The following NAV2 variants were observed in gnomAD, a reference collection of about 807,000 sequenced individuals.
NAV2 encodes helicase, APC down-regulated 1.
NAV2 carries 54 observed loss-of-function variants against 223.2 expected under a neutral mutation model. That is an observed-to-expected ratio of 0.24 (90% CI 0.19 to 0.30). NAV2 has a LOEUF of 0.30. NAV2 is among the 10% of genes least tolerant of loss of function. The probability of loss-of-function intolerance (pLI) is 1.00; values close to 1 mark genes in which losing one functional copy is unlikely to be tolerated. For missense variants in NAV2, 2,806 were observed against 3,147.5 expected (o/e 0.89, Z 2.60); for synonymous variants, 1,279 against 1,239.3 (o/e 1.03, Z -0.67).
At chr11:19,365,370 C>G (rs1848241176) in intron 1 of NAV2, among the ~76,000 whole-genome samples, 3 of 152,226 alleles carry the variant, frequency 2.0e-5, no homozygotes, top group Admixed American at 2.0e-4. Context: ...TTCACTGAAT[C>G]ACCTGTGGCT....
chr11:19,383,997 A>T (rs1464501847), intron 1 of NAV2, among the ~76,000 whole-genome samples: 1 of 152,224 alleles, frequency 6.6e-6, no homozygotes, highest in African/African-American at 2.4e-5. Flanking sequence ...TTCAGCAATA[A>T]GAAATTGGCT....
chr11:19,916,984 G>A (rs1220049703), intron 6 of NAV2, among the ~76,000 whole-genome samples: 3 of 152,234 alleles, frequency 2.0e-5, no homozygotes, highest in Non-Finnish European at 4.4e-5. Flanking sequence ...GGAACTGGGG[G>A]TACTTTGAGA....
chr11:19,909,222 C>A (rs922982973), intron 6 of NAV2, among the ~76,000 whole-genome samples: 1 of 152,146 alleles, frequency 6.6e-6, no homozygotes, highest in African/African-American at 2.4e-5. Context: ...GTCCTCCTTT[C>A]CCTGTATATA....
At position 19,448,129 on chromosome 11, in the gene NAV2, G is replaced by T. The variant is rs866458642; in HGVS notation, c.75+97102G>T. ...CTATAATAATTAGGGAGCTATAAAA[G>T]CACCCCACCCTGTGCCCCTACCCCA... On this transcript the variant is annotated intron_variant, in intron 1 of 37. Transcript: ENST00000360655. Among the ~76,000 whole-genome samples, 3 of 152,252 alleles carry T rather than the reference G, an allele frequency of 2.0e-5. No individual in the cohort carries two copies. In the South Asian group the frequency reaches 6.2e-4, roughly 32 times the overall value.
At chr11:19,712,691 C>CCCAGAGTTTCGGCGGCGG (rs1355384413), upstream of NAV2, 6 of 152,126 alleles carry the variant, frequency 3.9e-5, no homozygotes, top group East Asian at 1.2e-3. Flanking sequence ...CAAGCGCGGC[C>CCCAGAGTTTCGGCGGCGG]CCAGAGTTTC....
chr11:19,535,916 A>T (rs528597018), intron 1 of NAV2, among the ~76,000 whole-genome samples: 53 of 152,244 alleles, frequency 3.5e-4, no homozygotes, highest in Non-Finnish European at 6.0e-4. Flanking sequence ...AACAGAGCAG[A>T]CTGGGCCAAG....
chr11:19,905,384 A>G (rs994200175), intron 6 of NAV2, among the ~76,000 whole-genome samples: 1 of 152,176 alleles, frequency 6.6e-6, no homozygotes, highest in African/African-American at 2.4e-5. Flanking sequence ...GCCCTCATCT[A>G]AGAGCCAGAT....
chr11:20,092,216 A>G lies in NAV2; in HGVS notation c.5663A>G (p.Glu1888Gly). 6.2e-7 allele frequency: 1 copy of G among 1,614,228 alleles called. No homozygotes were observed. The highest frequency in any genetic ancestry group is 1.1e-5 in the South Asian group (1 of 91,086). The change falls in exon 28 of 38, where the codon GAG becomes GGG. Residue 1888 changes from glutamate (E) to glycine (G), a missense_variant. Around this residue, in one of 4 missense-constraint regions of NAV2, gnomAD observed 824 missense variants for 1,069.4 expected, o/e 0.77. Transcript: ENST00000349880. ...EAMNRMQSEIEKLKAENDRLK... is the reference protein window; with the variant it reads ...EAMNRMQSEIGKLKAENDRLK... Reference sequence around the variant, plus strand: ...CATTACTCTTTGCAGAGTGAAATAGAGAAGCTGAAAGCTGAGAATGATCGG... The same window carrying G: ...CATTACTCTTTGCAGAGTGAAATAGGGAAGCTGAAAGCTGAGAATGATCGG...
chr11:19,972,334 C>T (rs1449075126), intron 10 of NAV2, among the ~76,000 whole-genome samples: 1 of 152,170 alleles, frequency 6.6e-6, no homozygotes, highest in African/African-American at 2.4e-5. Context: ...TTCATGTTGT[C>T]AGCTGTCATG....
intron 1 of NAV2, among the ~76,000 whole-genome samples, chr11:19,732,857 G>T (rs567489398): frequency 6.6e-6 from 1 of 152,216 alleles, no homozygotes; most frequent in Admixed American, 6.5e-5. Flanking sequence ...GATGACTTAC[G>T]TGCCTCACAC....
chr11:19,665,966 CATT>C (rs1182514456), intron 1 of NAV2, among the ~76,000 whole-genome samples: 1 of 152,166 alleles, frequency 6.6e-6, no homozygotes, highest in African/African-American at 2.4e-5. Context: ...TCATCACTAT[CATT>C]ATCCCATTTT....
chr11:19,346,439 G>A (rs982496301), upstream of NAV2, among the ~76,000 whole-genome samples: 4 of 152,180 alleles, frequency 2.6e-5, no homozygotes, highest in East Asian at 1.9e-4. Flanking sequence ...TGCGGGCGGC[G>A]GGCTAGGGCG....
At position 20,103,427 on chromosome 11, in the gene NAV2, A is replaced by G; in HGVS notation, c.6572+18A>G. On this transcript the variant is annotated intron_variant, in intron 33 of 37. Coordinates refer to ENST00000349880, the MANE Select transcript of NAV2 (RefSeq NM_145117.5). ...CACAAATGGTAAAGGCTGGTTCTGG[A>G]CCTCATAGCCCCCCGGGAGAGAGTG... The G allele has an allele frequency of 1.2e-6, 2 of 1,610,104 alleles. No homozygotes were observed. The highest frequency in any genetic ancestry group is 1.7e-6 in the Non-Finnish European group (2 of 1,177,826).
intron 5 of NAV2, among the ~76,000 whole-genome samples, chr11:19,888,284 G>A (rs2041199148): frequency 6.6e-6 from 1 of 152,154 alleles, no homozygotes; most frequent in Admixed American, 6.5e-5. Context: ...GTGCTGTAAG[G>A]GATGCAGGGT....
intron 1 of NAV2, among the ~76,000 whole-genome samples, chr11:19,630,646 G>A (rs1437481114): frequency 6.6e-6 from 1 of 152,138 alleles, no homozygotes; most frequent in Non-Finnish European, 1.5e-5. Flanking sequence ...CAACGCTTTG[G>A]GAGGCCAAGG....
chr11:19,670,694 G>T (rs1402292660), intron 1 of NAV2, among the ~76,000 whole-genome samples: 1 of 152,206 alleles, frequency 6.6e-6, no homozygotes, highest in Non-Finnish European at 1.5e-5. Context: ...CCAAAGGAAG[G>T]CCCAGGCTTT....
At chr11:20,052,409 G>A (rs1205938282) in intron 17 of NAV2, among the ~76,000 whole-genome samples, 1 of 152,200 alleles carries the variant, frequency 6.6e-6, no homozygotes, top group Non-Finnish European at 1.5e-5. Flanking sequence ...CTTAGAGGGG[G>A]CCTTGGCAAG....
chr11:19,672,684 T>G (rs1002362909), intron 1 of NAV2, among the ~76,000 whole-genome samples: 2 of 152,046 alleles, frequency 1.3e-5, no homozygotes, highest in African/African-American at 4.8e-5. Context: ...AGAGAGGACA[T>G]GGGGAAGGAG....
intron 1 of NAV2, among the ~76,000 whole-genome samples, chr11:19,581,157 G>T (rs2045704658): frequency 6.6e-6 from 1 of 152,046 alleles, no homozygotes; most frequent in South Asian, 2.1e-4. Context: ...CTTATATTTT[G>T]TATACTAATC....
Sources: allele counts gnomAD v4.1 joint callset (sites outside exome capture counted in the v4.1 genomes callset), GRCh38; gene constraint gnomAD v4.1.1; regional missense constraint gnomAD v4.1.1; transcripts MANE v1.5; gene names NCBI Gene and HGNC (gene_info 2026-07-23, HGNC 2026-07-21).